The following ADGRV1 variants were observed in gnomAD, a reference collection of about 807,000 sequenced individuals.
ADGRV1 encodes adhesion G protein-coupled receptor V1, also known as G-protein coupled receptor 98.
A neutral mutation model predicts 596.2 loss-of-function variants in ADGRV1; 359 were observed. The ratio of observed to expected loss-of-function variants is 0.60; its 90% CI spans 0.55 to 0.66. ADGRV1 has a LOEUF of 0.66. Ranked by LOEUF, ADGRV1 falls within the 30% of genes least tolerant of loss-of-function variation. The probability of loss-of-function intolerance (pLI) is 0.00; values close to 1 mark genes in which losing one functional copy is unlikely to be tolerated. For missense variants in ADGRV1, 7,274 were observed against 7,575.6 expected (o/e 0.96, Z 1.48); for synonymous variants, 2,681 against 2,679.2 (o/e 1.00, Z -0.02).
chr5:90,568,048 T>G (rs1045529537), intron 1 of ADGRV1, among the ~76,000 whole-genome samples: 16 of 152,260 alleles, frequency 1.1e-4, no homozygotes, highest in African/African-American at 3.6e-4. Flanking sequence ...CCTTTTATTA[T>G]CTTTTCAAAG....
chr5:90,799,730 T>TA (rs1561758645), intron 70 of ADGRV1, among the ~76,000 whole-genome samples: 1 of 151,890 alleles, frequency 6.6e-6, no homozygotes, highest in Non-Finnish European at 1.5e-5. Context: ...CCAAAACAGA[T>TA]ATATAGACCA....
intron 83 of ADGRV1, among the ~76,000 whole-genome samples, chr5:90,876,453 G>C (rs1186938785): frequency 2.0e-5 from 3 of 152,078 alleles, no homozygotes; most frequent in African/African-American, 4.8e-5. Context: ...GAGGACAAAG[G>C]CTGCAGGCAT....
At chr5:90,616,682 C>T (rs1561390270) in intron 2 of ADGRV1, among the ~76,000 whole-genome samples, 2 of 152,076 alleles carry the variant, frequency 1.3e-5, no homozygotes, top group Admixed American at 6.5e-5. Flanking sequence ...GGGAATATCC[C>T]CAATGATCCC....
chr5:90,628,909 C>A, intron 8 of ADGRV1, 77 bp downstream of exon 8: 1 of 1,328,854 alleles, frequency 7.5e-7, no homozygotes, highest in Non-Finnish European at 1.0e-6. Flanking sequence ...TCATACACAT[C>A]AACTTTATGT....
At chr5:90,800,271 G>A (rs1761212582) in intron 70 of ADGRV1, among the ~76,000 whole-genome samples, 1 of 152,190 alleles carries the variant, frequency 6.6e-6, no homozygotes, top group Non-Finnish European at 1.5e-5. Context: ...CAAAGGATAT[G>A]AACAGACACT....
intron 9 of ADGRV1, among the ~76,000 whole-genome samples, chr5:90,633,747 A>G (rs1240049722): frequency 1.3e-5 from 2 of 152,056 alleles, no homozygotes; most frequent in African/African-American, 4.8e-5. Flanking sequence ...GTTTTATTTT[A>G]TGTGGCTTCA....
chr5:90,586,352 C>A (rs1033663867), intron 1 of ADGRV1, among the ~76,000 whole-genome samples: 2 of 152,180 alleles, frequency 1.3e-5, no homozygotes, highest in Non-Finnish European at 2.9e-5. Context: ...AGTCCACCTT[C>A]AAATTTCCTT....
chr5:91,081,293 G>A (rs1293514151), intron 86 of ADGRV1, among the ~76,000 whole-genome samples: 1 of 151,992 alleles, frequency 6.6e-6, no homozygotes, highest in Non-Finnish European at 1.5e-5. Flanking sequence ...ACAAATTTGG[G>A]GGATGGAGGA....
At chr5:90,873,810 A>AAG (rs942841609) in intron 83 of ADGRV1, among the ~76,000 whole-genome samples, 1 of 151,366 alleles carries the variant, frequency 6.6e-6, no homozygotes, top group Non-Finnish European at 1.5e-5. Flanking sequence ...GAAAGGAAAA[A>AAG]AAAAAACCTT....
At chr5:90,676,280 G>A in intron 25 of ADGRV1, 71 bp downstream of exon 25, 4 of 1,404,572 alleles carry the variant, frequency 2.8e-6, no homozygotes, top group South Asian at 2.7e-5. Context: ...GATTCCTTTA[G>A]GGAAGTAAGT....
chr5:90,583,768 T>C (rs1388007180), intron 1 of ADGRV1, among the ~76,000 whole-genome samples: 2 of 152,218 alleles, frequency 1.3e-5, no homozygotes, highest in African/African-American at 4.8e-5. Context: ...TAAGGGCTTT[T>C]CTATTCATTA....
chr5:91,116,426 A>G (rs1210777359), intron 87 of ADGRV1, among the ~76,000 whole-genome samples: 1 of 152,242 alleles, frequency 6.6e-6, no homozygotes, highest in Non-Finnish European at 1.5e-5. Flanking sequence ...AATTTCCAGC[A>G]CTTAACTGGT....
At chr5:90,599,721 C>T (rs558930789) in intron 1 of ADGRV1, among the ~76,000 whole-genome samples, 15 of 151,806 alleles carry the variant, frequency 9.9e-5, no homozygotes, top group African/African-American at 1.5e-4. Flanking sequence ...CGTAGCATAC[C>T]GAGATGACAT....
At chr5:90,678,258 C>T (rs1165560520) in intron 25 of ADGRV1, among the ~76,000 whole-genome samples, 6 of 151,924 alleles carry the variant, frequency 3.9e-5, no homozygotes, top group East Asian at 1.9e-4. Context: ...TTGGTAGAAG[C>T]GTATACGTAT....
At position 90,756,457 on chromosome 5, in the gene ADGRV1, G is replaced by A; in HGVS notation, c.11584G>A (p.Asp3862Asn). Reference protein sequence around the residue: ...AHAEVSILPDDLPELEEGFIV... With the variant: ...AHAEVSILPDNLPELEEGFIV... ...ATCTTTTTCCCCCATCCCCCAGGAT[G>A]ACCTTCCTGAATTGGAGGAAGGATT... The change falls in exon 56 of 90, where the codon GAC becomes AAC. Residue 3862 changes from aspartate to asparagine, a missense_variant. Asp to Asn is a conservative substitution (Grantham distance 23). Transcript: ENST00000405460. 6.6e-7 allele frequency: 1 copy of A among 1,505,814 alleles called. No individual in the cohort carries two copies. The highest frequency in any genetic ancestry group is 1.4e-5 in the South Asian group (1 of 69,658). The allele number at this position is 1,505,814 out of a possible 1,614,324, so 93.3% of individuals were successfully genotyped here. A position where few individuals can be genotyped will look rare whatever the true frequency, so the allele number is the denominator to read the frequency against.
At chr5:91,047,501 C>T (rs962125071) in intron 85 of ADGRV1, among the ~76,000 whole-genome samples, 1 of 152,088 alleles carries the variant, frequency 6.6e-6, no homozygotes, top group Non-Finnish European at 1.5e-5. Context: ...GATGTAGGCT[C>T]GGAGGCTAAG....
intron 59 of ADGRV1, among the ~76,000 whole-genome samples, chr5:90,767,371 A>C (rs1056686090): frequency 6.6e-6 from 1 of 152,224 alleles, no homozygotes; most frequent in Admixed American, 6.5e-5. Context: ...AATTAATTAA[A>C]AAACAAAAAT....
intron 84 of ADGRV1, among the ~76,000 whole-genome samples, chr5:90,970,273 G>A (rs554887915): frequency 6.6e-6 from 1 of 152,296 alleles, no homozygotes; most frequent in Non-Finnish European, 1.5e-5. Context: ...AGGCCTGCCT[G>A]CCTCTGCAGA....
chr5:91,032,986 C>G (rs1458477604), intron 85 of ADGRV1, among the ~76,000 whole-genome samples: 1 of 152,156 alleles, frequency 6.6e-6, no homozygotes, highest in East Asian at 1.9e-4. Context: ...TAGCACAGAT[C>G]TGGATTTGTT....
Sources: allele counts gnomAD v4.1 joint callset (sites outside exome capture counted in the v4.1 genomes callset), GRCh38; gene constraint gnomAD v4.1.1; transcripts MANE v1.5; gene names NCBI Gene and HGNC (gene_info 2026-07-23, HGNC 2026-07-21).